The following CDH18 variants were observed in gnomAD, a reference collection of about 807,000 sequenced individuals.
CDH18 encodes the protein cadherin-18.
CDH18 carries 31 observed loss-of-function variants against 67.9 expected under a neutral mutation model. The ratio of observed to expected loss-of-function variants is 0.46; its 90% confidence interval spans 0.34 to 0.62. The LOEUF is 0.62. Among genes scored for constraint, CDH18 ranks in the 20% least tolerant of loss-of-function variants. The pLI is 0.01. For missense variants in CDH18, 890 were observed against 975.5 expected (o/e 0.91, Z 1.17); for synonymous variants, 362 against 347.2 (o/e 1.04, Z -0.48).
At chr5:20,102,215 AGTGTGTGTGTGTGT>A (rs56036253) in intron 2 of CDH18, among the ~76,000 whole-genome samples, 3,201 of 148,880 alleles carry the variant, frequency 0.022, 107 homozygotes, top group African/African-American at 0.072. Flanking sequence ...TGTTATGTGC[AGTGTGTGTGTGTGT>A]GTGTGTGTGT....
intron 7 of CDH18, among the ~76,000 whole-genome samples, chr5:19,572,078 T>C (rs1741520615): frequency 6.6e-6 from 1 of 152,142 alleles, no homozygotes; most frequent in Admixed American, 6.5e-5. Context: ...TGGACATCAA[T>C]AGGAGGAATA....
At chr5:19,707,498 G>C (rs531852146) in intron 5 of CDH18, among the ~76,000 whole-genome samples, 71 of 152,248 alleles carry the variant, frequency 4.7e-4, no homozygotes, top group African/African-American at 1.7e-3. Context: ...ACTAATGATA[G>C]CTCTTGGATG....
intron 4 of CDH18, among the ~76,000 whole-genome samples, chr5:19,744,942 A>G (rs1015039440): frequency 1.3e-5 from 2 of 152,150 alleles, no homozygotes; most frequent in African/African-American, 4.8e-5. Context: ...TGGAACTTGG[A>G]AAGTCTACTA....
intron 1 of CDH18, among the ~76,000 whole-genome samples, chr5:20,481,541 C>A (rs1752811387): frequency 6.6e-6 from 1 of 152,024 alleles, no homozygotes. Context: ...ACAGGTTATT[C>A]TCAAGGATAG....
At chr5:19,504,448 G>A (rs1052439054) in intron 10 of CDH18, among the ~76,000 whole-genome samples, 5 of 151,630 alleles carry the variant, frequency 3.3e-5, no homozygotes, top group Admixed American at 6.6e-5. Context: ...CTAGTCTCTG[G>A]GTAGATTGTT....
rs142959761 is a variant in CDH18 at position 20,307,583 on chromosome 5, C to A, written c.-579-52078G>T. On this transcript the variant is annotated intron_variant, in intron 1 of 14. Transcript: ENST00000507958. Reference sequence around the variant, plus strand: ...TGCCTTAGGAGATTAAAGTGGACTGCTTCCATTGTGTTTCACTGGCATGCA... The same window carrying A: ...TGCCTTAGGAGATTAAAGTGGACTGATTCCATTGTGTTTCACTGGCATGCA... Among the ~76,000 whole-genome samples, 565 of 152,286 alleles carry A rather than the reference C, an allele frequency of 3.7e-3. 2 individuals are homozygous for A. Among genetic ancestry groups the A allele is most frequent in the Non-Finnish European group, 4.6e-3 (315 of 68,024 alleles).
chr5:20,375,842 T>A (rs1743369745), intron 1 of CDH18, among the ~76,000 whole-genome samples: 1 of 152,000 alleles, frequency 6.6e-6, no homozygotes, highest in Non-Finnish European at 1.5e-5. Flanking sequence ...AAGTACTCAC[T>A]CGGGACTGGG....
chr5:19,910,959 G>A (rs1477745487), intron 2 of CDH18, among the ~76,000 whole-genome samples: 1 of 152,202 alleles, frequency 6.6e-6, no homozygotes, highest in African/African-American at 2.4e-5. Context: ...CTGAGCTGAT[G>A]TGTTAAAGCT....
intron 2 of CDH18, among the ~76,000 whole-genome samples, chr5:19,904,394 A>T (rs1790311786): frequency 1.4e-5 from 2 of 142,632 alleles, no homozygotes; most frequent in African/African-American, 5.2e-5. Context: ...GAGGGGAGGG[A>T]AGAGAAGGGA....
intron 1 of CDH18, among the ~76,000 whole-genome samples, chr5:20,475,480 C>A (rs1286491388): frequency 6.6e-6 from 1 of 152,100 alleles, no homozygotes; most frequent in Non-Finnish European, 1.5e-5. Flanking sequence ...TGTATAAGAT[C>A]ATGAATATTC....
chr5:20,338,623 T>C (rs1739986531), intron 1 of CDH18, among the ~76,000 whole-genome samples: 1 of 152,198 alleles, frequency 6.6e-6, no homozygotes, highest in South Asian at 2.1e-4. Context: ...GTTACATCCT[T>C]TTGAGACATC....
chr5:20,082,129 G>A (rs1942314960), intron 2 of CDH18, among the ~76,000 whole-genome samples: 1 of 151,048 alleles, frequency 6.6e-6, no homozygotes, highest in South Asian at 2.1e-4. Flanking sequence ...TCCAACCGAT[G>A]CATTCAAAAA....
intron 1 of CDH18, among the ~76,000 whole-genome samples, chr5:20,330,814 C>A (rs1739099535): frequency 6.6e-6 from 1 of 152,168 alleles, no homozygotes; most frequent in Admixed American, 6.5e-5. Flanking sequence ...TCTCAAGTCA[C>A]CAGCTTGGCC....
intron 1 of CDH18, among the ~76,000 whole-genome samples, chr5:20,336,401 C>T (rs1359420199): frequency 6.6e-6 from 1 of 152,054 alleles, no homozygotes; most frequent in Admixed American, 6.6e-5. Flanking sequence ...AATGTGTCTG[C>T]AGCTAACAGG....
chr5:20,429,548 C>A (rs1462411566), intron 1 of CDH18, among the ~76,000 whole-genome samples: 1 of 152,032 alleles, frequency 6.6e-6, no homozygotes, highest in African/African-American at 2.4e-5. Context: ...ACTGTCTTTC[C>A]CTTTTTCTTC....
chr5:20,134,561 A>C, intron 2 of CDH18, among the ~76,000 whole-genome samples: 1 of 152,142 alleles, frequency 6.6e-6, no homozygotes, highest in South Asian at 2.1e-4. Context: ...ACACATTAAG[A>C]CCAGAGTCTC....
At chr5:19,968,374 T>C (rs1166408113) in intron 2 of CDH18, among the ~76,000 whole-genome samples, 7 of 152,022 alleles carry the variant, frequency 4.6e-5, no homozygotes, top group East Asian at 1.9e-4. Flanking sequence ...AAAAAGAGCC[T>C]GCATCGCCCA....
At chr5:20,475,607 C>G (rs951454421) in intron 1 of CDH18, among the ~76,000 whole-genome samples, 1 of 151,870 alleles carries the variant, frequency 6.6e-6, no homozygotes, top group Non-Finnish European at 1.5e-5. Context: ...ATCATAAGTT[C>G]TAAAAGTTTT....
chr5:20,527,127 A>G (rs11955228), intron 1 of CDH18, among the ~76,000 whole-genome samples: 60,588 of 151,928 alleles, frequency 0.4, 13,567 homozygotes, highest in East Asian at 0.57. Context: ...ACAAGTATCA[A>G]TAGCTGAACC....
Sources: allele counts gnomAD v4.1 joint callset (sites outside exome capture counted in the v4.1 genomes callset), GRCh38; gene constraint gnomAD v4.1.1; transcripts MANE v1.5; gene names NCBI Gene and HGNC (gene_info 2026-07-23, HGNC 2026-07-21).